TTC21B: variants seen among roughly 807,000 people sequenced by gnomAD.
TTC21B encodes tetratricopeptide repeat domain 21B.
Under a neutral mutation model 175.1 loss-of-function variants are expected in TTC21B, and 127 were observed. The observed-to-expected ratio is 0.73, with a 90% CI of 0.63 to 0.84. TTC21B has a LOEUF of 0.84. Ranked by LOEUF, TTC21B falls within the 40% of genes least tolerant of loss-of-function variation. The probability of loss-of-function intolerance (pLI) is 0.00; values close to 1 mark genes in which losing one functional copy is unlikely to be tolerated. For missense variants in TTC21B, 1,561 were observed against 1,558.3 expected, an observed-to-expected ratio of 1.00 and a Z score of -0.03; for synonymous variants, 524 against 524.5, an observed-to-expected ratio of 1.00 and a Z score of 0.01.
intron 12 of TTC21B, among the ~76,000 whole-genome samples, chr2:165,922,667 T>G (rs141133101): frequency 6.8e-6 from 1 of 146,488 alleles, no homozygotes; most frequent in Non-Finnish European, 1.5e-5. Flanking sequence ...CTTTGGAAAA[T>G]AGTATGAAGA....
At chr2:165,949,966 G>C (rs1687710191) in intron 1 of TTC21B, 1 of 339,380 alleles carries the variant, frequency 2.9e-6, no homozygotes, top group Non-Finnish European at 5.3e-6. Flanking sequence ...TTTTTCCTAA[G>C]TTTTTGTTAA....
At chr2:165,939,042 C>T (rs1687270160) in intron 6 of TTC21B, among the ~76,000 whole-genome samples, 1 of 151,926 alleles carries the variant, frequency 6.6e-6, no homozygotes, top group Admixed American at 6.6e-5. Flanking sequence ...GTGATATTTA[C>T]AAATGAAATG....
At chr2:165,946,857 A>T (rs981125773) in intron 3 of TTC21B, among the ~76,000 whole-genome samples, 2 of 152,026 alleles carry the variant, frequency 1.3e-5, no homozygotes, top group Admixed American at 1.3e-4. Flanking sequence ...GTAATGCACA[A>T]TATAGCTATA....
At chr2:165,879,262 T>C (rs1001452564) in intron 27 of TTC21B, among the ~76,000 whole-genome samples, 16 of 152,354 alleles carry the variant, frequency 1.1e-4, no homozygotes, top group African/African-American at 3.8e-4. Flanking sequence ...ATTTAACTTC[T>C]ATGTGCATTC....
intron 19 of TTC21B, among the ~76,000 whole-genome samples, chr2:165,906,202 G>C (rs1685724562): frequency 8.3e-6 from 1 of 120,360 alleles, no homozygotes; most frequent in South Asian, 2.6e-4. Flanking sequence ...CAAATGAATA[G>C]GAAAATAACA....
At chr2:165,892,907 T>TA (rs1409034997) in intron 22 of TTC21B, among the ~76,000 whole-genome samples, 1 of 152,068 alleles carries the variant, frequency 6.6e-6, no homozygotes, top group Non-Finnish European at 1.5e-5. Flanking sequence ...AAATATTCTT[T>TA]AAAAAAGACT....
At position 165,953,749 on chromosome 2, in the gene TTC21B, C is replaced by A. The variant is rs1047095367; in HGVS notation, c.-44G>T. ...CCGCGGGGCTCTGGGGATTGTCTCG[C>A]CGCAGCCTAAAGGAAGACGCAGAAT... On this transcript the variant is annotated 5_prime_UTR_variant, in exon 1 of 29. Coordinates refer to ENST00000243344, the MANE Select transcript of TTC21B (RefSeq NM_024753.5). 5 of 1,543,222 alleles carry A rather than the reference C, an allele frequency of 3.2e-6. No individual in the cohort carries two copies. In the African/African-American group the frequency reaches 6.9e-5, roughly 21 times the overall value.
At chr2:165,886,831 C>T (rs529290793) in intron 25 of TTC21B, among the ~76,000 whole-genome samples, 10 of 152,236 alleles carry the variant, frequency 6.6e-5, no homozygotes, top group South Asian at 4.1e-4. Flanking sequence ...ACATGAGAAG[C>T]GCTTCCTCAT....
In TTC21B at chr2:165,953,648, C is replaced by T. The variant is rs538261650; in HGVS notation, c.21+37G>A. ...AAAGGCCGCAAAGGAACTCCGCCCGCCCGCCCGCTCACCCGCTCACCCGCT... is the reference window on the plus strand; with the variant it reads ...AAAGGCCGCAAAGGAACTCCGCCCGTCCGCCCGCTCACCCGCTCACCCGCT... On this transcript the variant is annotated intron_variant, in intron 1 of 28. Transcript: ENST00000243344. 3.3e-6 allele frequency: 5 copies of T among 1,504,278 alleles called. No homozygotes were observed. In the South Asian group the frequency reaches 4.9e-5, roughly 15 times the overall value. The allele number at this position is 1,504,278 out of a possible 1,614,324, so 93.2% of individuals were successfully genotyped here. A position where few individuals can be genotyped will look rare whatever the true frequency, so the allele number is the denominator to read the frequency against.
intron 13 of TTC21B, among the ~76,000 whole-genome samples, chr2:165,918,677 A>T (rs895061533): frequency 6.6e-6 from 1 of 152,124 alleles, no homozygotes; most frequent in African/African-American, 2.4e-5. Context: ...AGCAAAGCAG[A>T]AGTTTTCAGA....
intron 25 of TTC21B, among the ~76,000 whole-genome samples, chr2:165,885,022 C>T (rs541896720): frequency 6.6e-6 from 1 of 152,244 alleles, no homozygotes; most frequent in South Asian, 2.1e-4. Context: ...TGGTGGCCAG[C>T]CCCTGTAGTC....
intron 27 of TTC21B, among the ~76,000 whole-genome samples, chr2:165,878,827 G>A (rs781527020): frequency 3.1e-4 from 47 of 151,680 alleles, no homozygotes; most frequent in Non-Finnish European, 6.2e-4. Flanking sequence ...GATTACAGGC[G>A]CCCGCCACCA....
chr2:165,907,916 A>C, intron 18 of TTC21B, 132 bp from the exon 19 acceptor site: 2 of 634,218 alleles, frequency 3.2e-6, no homozygotes, highest in Non-Finnish European at 5.4e-6. Flanking sequence ...AAATTTTCTC[A>C]ATCAGTTGCC....
At chr2:165,908,663 GT>G (rs1574090850) in intron 18 of TTC21B, among the ~76,000 whole-genome samples, 1 of 152,098 alleles carries the variant, frequency 6.6e-6, no homozygotes, top group East Asian at 1.9e-4. Context: ...ATTAATATGA[GT>G]CCTGATGAGA....
rs772667194 is a variant in TTC21B, at chr2:165,930,251, T to C, written c.1008A>G (p.Leu336=). 3 of 1,613,304 alleles carry C rather than the reference T, an allele frequency of 1.9e-6. No individual in the cohort carries two copies. The highest frequency in any genetic ancestry group is 2.2e-5 in the East Asian group (1 of 44,830). Reference sequence around the variant, plus strand: ...TCAGTGCCTCTTTAACTCTTCCTTGTAAAATCATTTGGTATCCAAGTTCTG... The same window carrying C: ...TCAGTGCCTCTTTAACTCTTCCTTGCAAAATCATTTGGTATCCAAGTTCTG... ...FATELGYQMI[L]QGRVKEALKW... is the part of the protein sequence containing the mutation. Residue 336 remains leucine, a synonymous_variant, in exon 9 of 29, where the codon TTA becomes TTG. Transcript: ENST00000243344.
intron 6 of TTC21B, among the ~76,000 whole-genome samples, chr2:165,933,345 G>C (rs1686982530): frequency 6.6e-6 from 1 of 152,138 alleles, no homozygotes; most frequent in Admixed American, 6.5e-5. Flanking sequence ...ATATACAACA[G>C]TATAGTAAAA....
chr2:165,913,270 C>T (rs1270410680), intron 16 of TTC21B, among the ~76,000 whole-genome samples: 1 of 152,146 alleles, frequency 6.6e-6, no homozygotes, highest in African/African-American at 2.4e-5. Context: ...AAGTGATCCA[C>T]CAGCCTTGGC....
chr2:165,907,684 T>C lies in TTC21B; in HGVS notation c.2562A>G (p.Leu854=). The stretch of plus-strand genomic sequence containing the variant: ...CACAGACAAATGTGTTTACCTGTTG[T>C]AATGCAGTGATCGCATCACCAAGTT... ...MEKLGDAITA[L]QQARELQARV... is the part of the protein sequence containing the mutation. Residue 854 remains leucine (L), a synonymous_variant, in exon 19 of 29, where the codon TTA becomes TTG. Transcript: ENST00000243344. 6.2e-7 allele frequency: 1 copy of C among 1,607,288 alleles called. No individual in the cohort carries two copies. Among genetic ancestry groups the C allele is most frequent in the African/African-American group, 1.3e-5 (1 of 74,938 alleles).
At position 165,894,284 on chromosome 2, in the gene TTC21B, C is replaced by G. The variant is rs894421943; in HGVS notation, c.2951-3296G>C. ...GAAAAGGGGCAATCTGTCGTGAGAGCAGTAATTAGATCTAGAAGAGGAATT... is the reference window on the plus strand; with the variant it reads ...GAAAAGGGGCAATCTGTCGTGAGAGGAGTAATTAGATCTAGAAGAGGAATT... On this transcript the variant is annotated intron_variant, in intron 22 of 28. Transcript: ENST00000243344. Among the ~76,000 whole-genome samples the G allele has an allele frequency of 6.6e-5, 10 of 152,028 alleles. 1 individual carries two copies. The highest frequency in any genetic ancestry group is 2.4e-4 in the African/African-American group (10 of 41,396).
Sources: gnomAD v4.1 joint callset for allele counts (sites outside exome capture counted in the v4.1 genomes callset) on GRCh38, gnomAD v4.1.1 for gene constraint, MANE v1.5 for transcripts, NCBI Gene and HGNC (gene_info 2026-07-23, HGNC 2026-07-21) for gene names.